The following PDGFRB variants were observed in gnomAD, a reference collection of about 807,000 sequenced individuals.
The protein encoded by PDGFRB is platelet-derived growth factor receptor beta.
PDGFRB carries 42 observed loss-of-function variants against 120.2 expected under a neutral mutation model. The observed-to-expected ratio is 0.35, with a 90% CI of 0.27 to 0.45. The LOEUF (loss-of-function observed/expected upper bound fraction) is 0.45. Ranked by LOEUF, PDGFRB falls within the 20% of genes least tolerant of loss-of-function variation. The probability of loss-of-function intolerance (pLI) is 1.00; values close to 1 mark genes in which losing one functional copy is unlikely to be tolerated. For synonymous variants in PDGFRB, 586 were observed against 606.8 expected (o/e 0.97, Z 0.50); for missense variants, 1,149 against 1,476.3 (o/e 0.78, Z 3.63).
intron 8 of PDGFRB, 104 bp from the exon 9 acceptor site, chr5:150,130,766 G>T: frequency 1.1e-6 from 1 of 922,316 alleles, no homozygotes; most frequent in Non-Finnish European, 1.7e-6. Context: ...GGGGGAGGAG[G>T]GCTGTAGACT....
Position 150,121,013 on chromosome 5 carries a change from G to C in PDGFRB, c.2464-3C>G. 4.3e-6 allele frequency: 7 copies of C among 1,613,920 alleles called. No individual in the cohort carries two copies. Among genetic ancestry groups the C allele is most frequent in the Non-Finnish European group, 5.1e-6 (6 of 1,179,806 alleles). On this transcript the variant is annotated splice_region_variant and splice_polypyrimidine_tract_variant and intron_variant, in intron 17 of 22. Transcript: ENST00000261799. This position sits in a 1 kb window ranked among gnomAD's most constrained non-coding sequence, Gnocchi z 4.1. ...GCCGCCAGGTCTCTGTGGACGCACT[G>C]GGTTTGGGGAGAGGGGAGCTGAGGC...
Position 150,118,729 on chromosome 5 carries a change from T to G in PDGFRB, c.2904+18A>C. The G allele has an allele frequency of 6.7e-7, 1 of 1,490,894 alleles. No individual in the cohort carries two copies. Among genetic ancestry groups the G allele is most frequent in the Non-Finnish European group, 9.4e-7 (1 of 1,067,560 alleles). 92.4% of individuals were successfully genotyped at this position (1,490,894 alleles called of 1,614,324 possible). A position where few individuals can be genotyped will look rare whatever the true frequency, so the allele number is the denominator to read the frequency against. On this transcript the variant is annotated intron_variant, in intron 21 of 22. Transcript: ENST00000261799. ...ACCAGAGCTCTCCGTGCTCCACCCC[T>G]ACCCTGCCTCAACATACCTTTTTGT...
chr5:150,135,912 A>T (rs778395376), intron 2 of PDGFRB, 34 bp from the exon 3 acceptor site: 2 of 1,459,456 alleles, frequency 1.4e-6, no homozygotes, highest in Non-Finnish European at 9.2e-7. Flanking sequence ...ATCAGGAAAC[A>T]GGGGCTTCAG....
At chr5:150,143,947 CTG>C (rs1760848110) in intron 1 of PDGFRB, among the ~76,000 whole-genome samples, 1 of 152,168 alleles carries the variant, frequency 6.6e-6, no homozygotes, top group African/African-American at 2.4e-5. Flanking sequence ...GAGCCATTCT[CTG>C]TGCCACGCTG....
rs541926152 is a variant in PDGFRB, at chr5:150,124,829, G to A, written c.1810C>T (p.Arg604Cys). Residue 604 changes from arginine (R) to cysteine (C), a missense_variant and splice_region_variant, in exon 13 of 23, where the codon CGC becomes TGC. Arg to Cys is a radical substitution (Grantham distance 180). Coordinates refer to ENST00000261799, the MANE Select transcript of PDGFRB (RefSeq NM_002609.4). The part of the protein sequence containing the change: ...ELPRDQLVLG[R>C]TLGSGAFGQV... Reference sequence around the variant, plus strand: ...CCAAAGGCCCCAGAGCCGAGGGTGCGTCCTGGTGCAGAGATGATCCATTAG... The same window carrying A: ...CCAAAGGCCCCAGAGCCGAGGGTGCATCCTGGTGCAGAGATGATCCATTAG... 4.7e-5 allele frequency: 74 copies of A among 1,569,952 alleles called. No homozygotes were observed. Among genetic ancestry groups the A allele is most frequent in the East Asian group, 6.7e-5 (3 of 44,650 alleles).
intron 9 of PDGFRB, 58 bp downstream of exon 9, chr5:150,130,481 C>T (rs1760431887): frequency 6.4e-7 from 1 of 1,568,886 alleles, no homozygotes; most frequent in Admixed American, 1.8e-5. Context: ...AGATAACCTT[C>T]ACGAGCTTTT....
rs868691380 is a variant in PDGFRB, at chr5:150,120,765, G to A, written c.2586+123C>T. 4.4e-6 allele frequency: 4 copies of A among 917,096 alleles called. No individual in the cohort carries two copies. Among genetic ancestry groups the A allele is most frequent in the African/African-American group, 3.3e-5 (2 of 61,384 alleles). 56.8% of individuals were successfully genotyped at this position (917,096 alleles called of 1,614,324 possible). ...AGGCACAGCCCATCACTGCTGTCAG[G>A]GCAGGCCACAAGGAGCCCCACACAG... On this transcript the variant is annotated intron_variant, in intron 18 of 22. Coordinates refer to ENST00000261799, the MANE Select transcript of PDGFRB (RefSeq NM_002609.4). The surrounding 1 kb of genome is among the most constrained non-coding windows in gnomAD (Gnocchi z 4.3).
At chr5:150,150,697 G>C (rs1205134732) in intron 1 of PDGFRB, among the ~76,000 whole-genome samples, 1 of 152,092 alleles carries the variant, frequency 6.6e-6, no homozygotes, top group Non-Finnish European at 1.5e-5. Flanking sequence ...TGAGGGCTCA[G>C]GAGGGATGTG....
rs1273486607 is a variant in PDGFRB at position 150,133,934 on chromosome 5, T to C, written c.706A>G (p.Ile236Val). The C allele has an allele frequency of 1.9e-6, 3 of 1,613,888 alleles. No homozygotes were observed. Among genetic ancestry groups the C allele is most frequent in the South Asian group, 2.2e-5 (2 of 91,076 alleles). The part of the protein sequence containing the change: ...RQGENITLMC[I>V]VIGNEVVNFE... Reference sequence around the variant, plus strand: ...TTGACCACCTCATTCCCGATCACAATGCACATGAGGGTGATGTTCTCACCC... The same window carrying C: ...TTGACCACCTCATTCCCGATCACAACGCACATGAGGGTGATGTTCTCACCC... The change falls in exon 5 of 23, where the codon ATT becomes GTT. Residue 236 changes from isoleucine (I) to valine (V), a missense_variant. Transcript: ENST00000261799.
rs370920281 is a variant in PDGFRB at position 150,136,774 on chromosome 5, G to A, written c.40+234C>T. Among the ~76,000 whole-genome samples the A allele has an allele frequency of 1.3e-4, 20 of 152,276 alleles. No individual in the cohort carries two copies. The East Asian group carries it at 1.9e-3, about 15-fold the overall frequency. On this transcript the variant is annotated intron_variant, in intron 2 of 22. Transcript: ENST00000261799. ...GATGGGGTCTGGAGGGCCAATCAAA[G>A]GATTTGAGCTGATGGTTCTGGACAA...
At position 150,123,162 on chromosome 5, in the gene PDGFRB, T is replaced by C. The variant is rs756032678; in HGVS notation, c.2063A>G (p.Asp688Gly). The part of the protein sequence containing the change: ...YIITEYCRYG[D>G]LVDYLHRNKH... The stretch of plus-strand genomic sequence containing the variant: ...GTTGCGGTGCAGGTAGTCCACCAGG[T>C]CTCCGTAGCGGCAGTACTCAGTGAT... Residue 688 changes from aspartate to glycine, a missense_variant, in exon 15 of 23, where the codon GAC (aspartate) becomes GGC (glycine). By Grantham distance (94) the Asp-to-Gly change is moderately conservative (BLOSUM62 -1). Coordinates refer to ENST00000261799, the MANE Select transcript of PDGFRB (RefSeq NM_002609.4). The C allele has an allele frequency of 6.2e-7, 1 of 1,613,684 alleles. No individual in the cohort carries two copies. Among genetic ancestry groups the C allele is most frequent in the Admixed American group, 1.7e-5 (1 of 60,018 alleles).
At chr5:150,125,045 C>T (rs1483908920) in intron 12 of PDGFRB, among the ~76,000 whole-genome samples, 3 of 152,138 alleles carry the variant, frequency 2.0e-5, no homozygotes, top group Non-Finnish European at 1.5e-5. Flanking sequence ...CACAATACCT[C>T]CCTGTCTTTC....
chr5:150,125,524 G>T lies in PDGFRB; in HGVS notation c.1728C>A (p.Gly576=). 5.0e-6 allele frequency: 8 copies of T among 1,613,778 alleles called. No individual in the cohort carries two copies. The highest frequency in any genetic ancestry group is 6.8e-6 in the Non-Finnish European group (8 of 1,179,690). Reference sequence around the variant, plus strand: ...TGGGGTCCACGTAGATGTACTCATGGCCGTCAGAGCTCACAGACTCAATCA... The same window carrying T: ...TGGGGTCCACGTAGATGTACTCATGTCCGTCAGAGCTCACAGACTCAATCA... The part of the protein sequence containing the change: ...WKVIESVSSD[G]HEYIYVDPMQ... The change falls in exon 12 of 23, where the codon GGC becomes GGA. Residue 576 remains glycine (G), a synonymous_variant. Transcript: ENST00000261799.
chr5:150,135,993 T>C (rs1379755424), intron 2 of PDGFRB, 115 bp from the exon 3 acceptor site: 2 of 649,284 alleles, frequency 3.1e-6, no homozygotes, highest in Non-Finnish European at 5.1e-6. Flanking sequence ...GGAGCACAGC[T>C]CCTTTATCCG....
chr5:150,122,686 A>G (rs1363415519), intron 15 of PDGFRB, among the ~76,000 whole-genome samples: 1 of 152,218 alleles, frequency 6.6e-6, no homozygotes, highest in Non-Finnish European at 1.5e-5. Context: ...TGATGTGTAG[A>G]GGCTGCAGAG....
chr5:150,124,417 C>T (rs1343943587), intron 13 of PDGFRB, 57 bp from the exon 14 acceptor site: 4 of 1,267,436 alleles, frequency 3.2e-6, no homozygotes, highest in Non-Finnish European at 4.6e-6. Flanking sequence ...ATGGAGGCCC[C>T]ACCACAGGAG....
At chr5:150,131,060 A>G (rs1400398199) in intron 8 of PDGFRB, among the ~76,000 whole-genome samples, 1 of 152,202 alleles carries the variant, frequency 6.6e-6, no homozygotes, top group East Asian at 1.9e-4. Flanking sequence ...CCTACAATAG[A>G]GAGGTTACAT....
intron 1 of PDGFRB, among the ~76,000 whole-genome samples, chr5:150,152,875 T>C (rs904519216): frequency 2.0e-5 from 3 of 152,218 alleles, no homozygotes; most frequent in African/African-American, 7.2e-5. Context: ...ACCTTGCCAA[T>C]GCTGTTGTCT....
chr5:150,128,702 G>T (rs550171827), intron 10 of PDGFRB, among the ~76,000 whole-genome samples: 9 of 152,190 alleles, frequency 5.9e-5, no homozygotes, highest in Non-Finnish European at 1.3e-4. Flanking sequence ...TCACCTAAAG[G>T]TTCCTTTTCT....
Sources: gnomAD v4.1 joint callset for allele counts (sites outside exome capture counted in the v4.1 genomes callset) on GRCh38, gnomAD v4.1.1 for gene constraint, Gnocchi (gnomAD v3.1) non-coding constraint, MANE v1.5 for transcripts, NCBI Gene and HGNC (gene_info 2026-07-23, HGNC 2026-07-21) for gene names.